The following SRPK2 variants were observed in gnomAD, a reference collection of about 807,000 sequenced individuals.
SRPK2 encodes the protein SRSF protein kinase 2.
SRPK2 carries 21 observed loss-of-function variants against 90.8 expected under a neutral mutation model. The observed-to-expected ratio is 0.23, with a 90% CI of 0.16 to 0.33. The LOEUF (loss-of-function observed/expected upper bound fraction) is 0.33. Ranked by LOEUF, SRPK2 falls within the 10% of genes least tolerant of loss-of-function variation. The probability of loss-of-function intolerance (pLI) is 1.00; values close to 1 mark genes in which losing one functional copy is unlikely to be tolerated. For synonymous variants in SRPK2, 288 were observed against 311.1 expected, an observed-to-expected ratio of 0.93 and a Z score of 0.78; for missense variants, 620 against 869.0, an observed-to-expected ratio of 0.71 and a Z score of 3.60.
intron 2 of SRPK2, among the ~76,000 whole-genome samples, chr7:105,357,144 C>A (rs1415910839): frequency 6.6e-6 from 1 of 151,754 alleles, no homozygotes; most frequent in African/African-American, 2.4e-5. Context: ...TCATGCCATT[C>A]TCCTGCCTCA....
At chr7:105,375,689 C>T (rs1351113561) in intron 2 of SRPK2, among the ~76,000 whole-genome samples, 3 of 152,168 alleles carry the variant, frequency 2.0e-5, no homozygotes, top group Non-Finnish European at 4.4e-5. Flanking sequence ...CTAACAACCA[C>T]AAAACGGCCA....
At chr7:105,176,615 G>T (rs1791923401) in intron 3 of SRPK2, among the ~76,000 whole-genome samples, 1 of 13,820 alleles carries the variant, frequency 7.2e-5, no homozygotes. Context: ...GTGTGTATAC[G>T]TGTGTGTATA....
At chr7:105,175,152 AG>A (rs1164839121) in intron 3 of SRPK2, among the ~76,000 whole-genome samples, 2 of 151,872 alleles carry the variant, frequency 1.3e-5, no homozygotes, top group Non-Finnish European at 2.9e-5. Flanking sequence ...AAAAAAAAAA[AG>A]AAAGAAAGAA....
chr7:105,163,992 C>A (rs964008280), intron 6 of SRPK2, among the ~76,000 whole-genome samples: 6 of 152,220 alleles, frequency 3.9e-5, no homozygotes, highest in African/African-American at 7.2e-5. Flanking sequence ...AAGAGCAGAG[C>A]TTTCAACGGA....
chr7:105,388,487 T>TC (rs1821918835), intron 2 of SRPK2, among the ~76,000 whole-genome samples, 161 bp downstream of exon 2: 1 of 133,894 alleles, frequency 7.5e-6, no homozygotes, highest in Admixed American at 7.3e-5. Context: ...CCGCCGCCCC[T>TC]CCCCCCGGGC....
rs372770205 is a variant in SRPK2 at position 105,330,360 on chromosome 7, TAAA to T, written c.71+58285_71+58287del. Among the ~76,000 whole-genome samples the T allele has an allele frequency of 2.9e-4, 44 of 150,588 alleles. 1 individual carries two copies. The South Asian group carries it at 9.0e-3, about 31-fold the overall frequency. On this transcript the variant is annotated intron_variant, in intron 2 of 15. Coordinates refer to ENST00000393651, the MANE Select transcript of SRPK2 (RefSeq NM_182692.3). ...TCAAAAATAAATAAATAAATAAAAA[TAAA>T]ATAAAATATAAAAAATAAAAATAAA...
intron 11 of SRPK2, among the ~76,000 whole-genome samples, chr7:105,140,295 A>C (rs1037397961): frequency 6.6e-6 from 1 of 152,212 alleles, no homozygotes. Context: ...TTGCAAAATA[A>C]GTATGAATAA....
rs1473726205 is a variant in SRPK2, at chr7:105,142,459, A to G, written c.1092T>C (p.Asp364=). 7 of 1,611,778 alleles carry G rather than the reference A, an allele frequency of 4.3e-6. No individual in the cohort carries two copies. Among genetic ancestry groups the G allele is most frequent in the Non-Finnish European group, 5.1e-6 (6 of 1,179,280 alleles). Residue 364 remains aspartate (D), a synonymous_variant, in exon 11 of 16, where the codon GAT becomes GAC. Coordinates refer to ENST00000393651, the MANE Select transcript of SRPK2 (RefSeq NM_182692.3). ...GEAEDQEEKE[D]AEKENIEKDE... ...CTTTTTCAATGTTTTCTTTCTCAGC[A>G]TCTTCTTTCTCTTCCTGGTCCTCAG...
chr7:105,289,187 T>C (rs1808609327), intron 2 of SRPK2, among the ~76,000 whole-genome samples: 1 of 149,090 alleles, frequency 6.7e-6, no homozygotes, highest in South Asian at 2.1e-4. Flanking sequence ...GGCAGGAGAC[T>C]GGCGTGAACC....
chr7:105,281,815 T>A (rs181394900), intron 2 of SRPK2, among the ~76,000 whole-genome samples: 318 of 152,248 alleles, frequency 2.1e-3, no homozygotes, highest in Non-Finnish European at 3.5e-3. Flanking sequence ...ATGAAAGACC[T>A]GAATAAATGG....
At position 105,341,527 on chromosome 7, in the gene SRPK2, G is replaced by A. The variant is rs192087188; in HGVS notation, c.71+47121C>T. Among the ~76,000 whole-genome samples, 7 of 152,088 alleles carry A rather than the reference G, an allele frequency of 4.6e-5. No homozygotes were observed. The East Asian group carries it at 1.4e-3, about 29-fold the overall frequency. ...ATCTCTACTAAAAATACAAAAATTA[G>A]TCAGGCATGGTGGTGCACACCTGTA... is the stretch of plus-strand genomic sequence containing the variant. On this transcript the variant is annotated intron_variant, in intron 2 of 15. Coordinates refer to ENST00000393651, the MANE Select transcript of SRPK2 (RefSeq NM_182692.3).
intron 2 of SRPK2, chr7:105,298,645 T>G: frequency 1.2e-6 from 1 of 837,538 alleles, no homozygotes; most frequent in Non-Finnish European, 1.4e-6. Flanking sequence ...AAGTATCAAA[T>G]AAAAAGGCCC....
intron 2 of SRPK2, among the ~76,000 whole-genome samples, chr7:105,276,847 C>T (rs146074773): frequency 4.9e-4 from 74 of 152,300 alleles, no homozygotes; most frequent in Admixed American, 8.5e-4. Flanking sequence ...CAAAACCACA[C>T]GCTTCTTCAG....
chr7:105,388,630 G>A lies in SRPK2; in HGVS notation c.71+18C>T. ...GGGGCGGGGGTGGGGAACGGGGACA[G>A]GCGCAGCGTGGACTCACTTTTTCGG... On this transcript the variant is annotated intron_variant, in intron 2 of 15. Coordinates refer to ENST00000393651, the MANE Select transcript of SRPK2 (RefSeq NM_182692.3). The A allele has an allele frequency of 3.2e-6, 5 of 1,575,146 alleles. No homozygotes were observed. The highest frequency in any genetic ancestry group is 3.4e-6 in the Non-Finnish European group (4 of 1,160,518).
At chr7:105,333,007 A>G (rs1489358982) in intron 2 of SRPK2, 1 of 152,162 alleles carries the variant, frequency 6.6e-6, no homozygotes, top group African/African-American at 2.4e-5. Context: ...CAGCCTGGCC[A>G]ACATGGTAAA....
At position 105,388,828 on chromosome 7, in the gene SRPK2, CG is replaced by C. The variant is rs764719909; in HGVS notation, c.-23del. 5.9e-6 allele frequency: 8 copies of C among 1,347,052 alleles called. No homozygotes were observed. Among genetic ancestry groups the C allele is most frequent in the Admixed American group, 3.7e-5 (1 of 26,998 alleles). The allele number at this position is 1,347,052 out of a possible 1,614,324, so 83.4% of individuals were successfully genotyped here. On this transcript the variant is annotated 5_prime_UTR_variant, in exon 1 of 16. Coordinates refer to ENST00000393651, the MANE Select transcript of SRPK2 (RefSeq NM_182692.3). The stretch of plus-strand genomic sequence containing the variant: ...TCATTCCGACGCGGCGGAAGCGGGG[CG>C]GGGGGCTTCGCGACGGCGACGCGGG...
chr7:105,319,059 A>G (rs902791634), intron 2 of SRPK2, among the ~76,000 whole-genome samples: 14 of 152,212 alleles, frequency 9.2e-5, no homozygotes, highest in African/African-American at 3.1e-4. Flanking sequence ...ACAAATCCAA[A>G]AGGGTGAAAA....
chr7:105,185,089 C>T (rs1455770719), intron 3 of SRPK2, among the ~76,000 whole-genome samples: 1 of 151,824 alleles, frequency 6.6e-6, no homozygotes, highest in Non-Finnish European at 1.5e-5. Context: ...GCTCATTTCT[C>T]GGTTCTTAAT....
At chr7:105,122,546 AATCTGTTGCTTTTTAGGT>A (rs1259707705) in intron 15 of SRPK2, among the ~76,000 whole-genome samples, 1 of 152,198 alleles carries the variant, frequency 6.6e-6, no homozygotes, top group Non-Finnish European at 1.5e-5. Context: ...GCATCAAAAG[AATCTGTTGCTTTTTAGGT>A]ATTCAGGAGA....
Sources: allele counts gnomAD v4.1 joint callset (sites outside exome capture counted in the v4.1 genomes callset), GRCh38; gene constraint gnomAD v4.1.1; transcripts MANE v1.5; gene names NCBI Gene and HGNC (gene_info 2026-07-23, HGNC 2026-07-21).